TMOD2: variants seen among roughly 807,000 people sequenced by gnomAD.
TMOD2 encodes tropomodulin-2.
In TMOD2, 22 loss-of-function variants were observed where a neutral mutation model predicts 39.9. The ratio of observed to expected loss-of-function variants is 0.55; its 90% CI spans 0.39 to 0.79. The LOEUF is 0.79. Among genes scored for constraint, TMOD2 ranks in the 30% least tolerant of loss-of-function variants. The probability of loss-of-function intolerance (pLI) is 0.00; values close to 1 mark genes in which losing one functional copy is unlikely to be tolerated. For missense variants in TMOD2, 386 were observed against 413.3 expected (o/e 0.93, Z 0.57); for synonymous variants, 123 against 146.1 (o/e 0.84, Z 1.14).
chr15:51,782,968 A>G (rs1197489551), intron 7 of TMOD2, 140 bp downstream of exon 7: 8 of 668,612 alleles, frequency 1.2e-5, no homozygotes, highest in Admixed American at 1.1e-4. Flanking sequence ...TATAGTTACA[A>G]TGCAATAGTT....
At chr15:51,764,469 C>T (rs536489168) in intron 1 of TMOD2, among the ~76,000 whole-genome samples, 1 of 152,302 alleles carries the variant, frequency 6.6e-6, no homozygotes, top group East Asian at 1.9e-4. Flanking sequence ...AAGAGGCCCA[C>T]CTGCAGCCAG....
chr15:51,766,285 C>G lies in TMOD2; in HGVS notation c.-69-88C>G, dbSNP rs182576331. On this transcript the variant is annotated intron_variant, in intron 1 of 9. Transcript: ENST00000249700. ...AATTATTCATTCAATACAGTAGGCT[C>G]CATTGGAGGCATACTTCTGTCTCCT... The G allele has an allele frequency of 4.9e-6, 3 of 606,902 alleles. No individual in the cohort carries two copies. The African/African-American group carries it at 5.5e-5, about 11-fold the overall frequency. The allele number at this position is 606,902 out of a possible 1,614,324, so 37.6% of individuals were successfully genotyped here.
At chr15:51,791,576 G>A (rs995989957) in intron 7 of TMOD2, among the ~76,000 whole-genome samples, 3 of 152,168 alleles carry the variant, frequency 2.0e-5, no homozygotes, top group Non-Finnish European at 4.4e-5. Flanking sequence ...GAACAAAGCT[G>A]GAGGCATCAC....
intron 7 of TMOD2, among the ~76,000 whole-genome samples, chr15:51,795,577 GCTTT>G (rs202116010): frequency 0.09 from 3,670 of 40,854 alleles, 90 homozygotes; most frequent in East Asian, 0.16. Flanking sequence ...TTGCTTGCTT[GCTTT>G]CTTTCTTTCT....
chr15:51,804,575 GTTTTGTTTTT>G (rs376141432), intron 8 of TMOD2, among the ~76,000 whole-genome samples: 4,817 of 151,218 alleles, frequency 0.032, 120 homozygotes, highest in Non-Finnish European at 0.05. Flanking sequence ...GTTTTGTTTT[GTTTTGTTTTT>G]TTTTTTGAGA....
rs1595883244 is a variant in TMOD2 at position 51,813,913 on chromosome 15, C to A, written c.*5459C>A. 6.6e-6 allele frequency: 1 copy of A among 152,304 alleles called. No individual in the cohort carries two copies. Among genetic ancestry groups the A allele is most frequent in the East Asian group, 1.9e-4 (1 of 5,188 alleles). 9.4% of individuals were successfully genotyped at this position (152,304 alleles called of 1,614,324 possible). On this transcript the variant is annotated 3_prime_UTR_variant, in exon 10 of 10. Coordinates refer to ENST00000249700, the MANE Select transcript of TMOD2 (RefSeq NM_014548.4). The stretch of plus-strand genomic sequence containing the variant: ...CTTGAATCGGCTTTATTCTAACCAA[C>A]CATTACATCTTTCTCATCTTTTGGA...
intron 1 of TMOD2, among the ~76,000 whole-genome samples, chr15:51,760,024 G>T (rs1595861227): frequency 6.6e-6 from 1 of 152,068 alleles, no homozygotes; most frequent in Non-Finnish European, 1.5e-5. Flanking sequence ...AGACAGAAAG[G>T]GAACCCATTG....
At chr15:51,758,353 T>C (rs1432936955) in intron 1 of TMOD2, among the ~76,000 whole-genome samples, 3 of 152,108 alleles carry the variant, frequency 2.0e-5, no homozygotes, top group African/African-American at 7.2e-5. Flanking sequence ...ACATGCAACA[T>C]ACATGAAAAG....
chr15:51,789,546 A>T (rs893097633), intron 7 of TMOD2, among the ~76,000 whole-genome samples: 1 of 152,220 alleles, frequency 6.6e-6, no homozygotes, highest in East Asian at 1.9e-4. Flanking sequence ...CCCGAAATCA[A>T]CAGAATGTAC....
chr15:51,786,743 T>C (rs148330788), intron 7 of TMOD2, among the ~76,000 whole-genome samples: 6 of 152,356 alleles, frequency 3.9e-5, no homozygotes, highest in African/African-American at 1.4e-4. Flanking sequence ...CCCCACTGAA[T>C]GCCAATGAGA....
intron 7 of TMOD2, among the ~76,000 whole-genome samples, chr15:51,792,773 C>G (rs969223913): frequency 2.6e-5 from 4 of 152,094 alleles, no homozygotes; most frequent in Non-Finnish European, 4.4e-5. Flanking sequence ...ATCAGAAAAC[C>G]AAACACCGCA....
chr15:51,801,217 C>CCTCTCT (rs71127202), intron 8 of TMOD2, among the ~76,000 whole-genome samples: 9 of 119,384 alleles, frequency 7.5e-5, no homozygotes, highest in East Asian at 2.5e-4. Flanking sequence ...ATTCTCTCTC[C>CCTCTCT]CTCTCTCTCT....
intron 7 of TMOD2, 89 bp downstream of exon 7, chr15:51,782,917 G>A (rs2055941240): frequency 3.1e-6 from 4 of 1,299,980 alleles, no homozygotes; most frequent in Non-Finnish European, 4.3e-6. Context: ...CAATTTTTTA[G>A]ATCTGGAAAA....
chr15:51,789,960 A>G (rs942835365), intron 7 of TMOD2, among the ~76,000 whole-genome samples: 3 of 152,218 alleles, frequency 2.0e-5, no homozygotes, highest in Non-Finnish European at 2.9e-5. Context: ...CTAGAGAAGC[A>G]AGAGCAAACA....
intron 1 of TMOD2, among the ~76,000 whole-genome samples, chr15:51,751,916 C>A (rs1360569020): frequency 6.7e-6 from 1 of 148,870 alleles, no homozygotes; most frequent in African/African-American, 2.5e-5. Flanking sequence ...GGAGACCAGG[C>A]GCTGCGCCCG....
chr15:51,773,232 T>C (rs2055864912), intron 3 of TMOD2, among the ~76,000 whole-genome samples: 1 of 152,164 alleles, frequency 6.6e-6, no homozygotes, highest in South Asian at 2.1e-4. Context: ...TCAGGGCTCT[T>C]TGGGCAAGGC....
chr15:51,764,019 A>G (rs138951374), intron 1 of TMOD2, among the ~76,000 whole-genome samples: 2 of 152,122 alleles, frequency 1.3e-5, no homozygotes, highest in Admixed American at 6.6e-5. Context: ...ATAGGATCCA[A>G]TTGGTTTCTC....
At chr15:51,779,542 G>A (rs1168936550) in intron 5 of TMOD2, among the ~76,000 whole-genome samples, 2 of 151,880 alleles carry the variant, frequency 1.3e-5, no homozygotes, top group African/African-American at 2.4e-5. Context: ...CACCACGCCC[G>A]GCTAATTTTT....
chr15:51,752,574 G>C (rs754824168), intron 1 of TMOD2: 3 of 152,210 alleles, frequency 2.0e-5, no homozygotes, highest in Admixed American at 6.5e-5. Context: ...CTCTTAGCTT[G>C]ACCATTCAGG....
Sources: gnomAD v4.1 joint callset for allele counts (sites outside exome capture counted in the v4.1 genomes callset) on GRCh38, gnomAD v4.1.1 for gene constraint, MANE v1.5 for transcripts, NCBI Gene and HGNC (gene_info 2026-07-23, HGNC 2026-07-21) for gene names.